DPP10: variants seen among roughly 807,000 people sequenced by gnomAD.
DPP10 encodes dipeptidyl peptidase like 10, also known as inactive dipeptidyl peptidase 10.
DPP10 carries 33 observed loss-of-function variants against 120.9 expected under a neutral mutation model. That is an observed-to-expected ratio of 0.27 (90% CI 0.21 to 0.37). The LOEUF (loss-of-function observed/expected upper bound fraction) is 0.37, where lower values mean the gene tolerates loss of function less well. DPP10 is among the 10% of genes least tolerant of loss of function. DPP10 has a pLI of 1.00. For missense variants in DPP10, 816 were observed against 942.8 expected (o/e 0.87, Z 1.76); for synonymous variants, 337 against 326.1 (o/e 1.03, Z -0.36).
intron 1 of DPP10, among the ~76,000 whole-genome samples, chr2:115,244,857 A>ATGCACATATATATATACATATATATATGT: frequency 1.4e-5 from 2 of 144,744 alleles, no homozygotes; most frequent in African/African-American, 5.2e-5. Flanking sequence ...ATATATATAT[A>ATGCACATATATATATACATATATATATGT]ATTTCATTAG....
In DPP10 at chr2:114,929,050, A is replaced by G. The variant is rs10185552; in HGVS notation, c.61-380189A>G. Among the ~76,000 whole-genome samples the G allele has an allele frequency of 4.1e-3, 618 of 152,308 alleles. 1 individual carries two copies. The highest frequency in any genetic ancestry group is 0.015 in the African/African-American group (604 of 41,588). Reference sequence around the variant, plus strand: ...AGAGAAATTTTACAGCTGGGCCTCCAGGGGTAACATCACCTATTGGTAGGT... The same window carrying G: ...AGAGAAATTTTACAGCTGGGCCTCCGGGGGTAACATCACCTATTGGTAGGT... On this transcript the variant is annotated intron_variant, in intron 1 of 25. Transcript: ENST00000410059.
intron 1 of DPP10, among the ~76,000 whole-genome samples, chr2:115,284,198 G>A (rs150211161): frequency 2.0e-3 from 298 of 152,108 alleles, no homozygotes; most frequent in Non-Finnish European, 2.8e-3. Flanking sequence ...AAAAAACACA[G>A]TGTAGTTTTA....
chr2:115,364,781 G>A (rs1374002543), intron 3 of DPP10, among the ~76,000 whole-genome samples: 1 of 151,926 alleles, frequency 6.6e-6, no homozygotes, highest in Non-Finnish European at 1.5e-5. Context: ...ACGTAGTTAC[G>A]CTGTTGTTTC....
At chr2:114,841,532 C>G (rs1444515251) in intron 1 of DPP10, among the ~76,000 whole-genome samples, 1 of 152,056 alleles carries the variant, frequency 6.6e-6, no homozygotes, top group Non-Finnish European at 1.5e-5. Flanking sequence ...ATGTGAAAGT[C>G]AGAGAATGGG....
chr2:115,445,044 A>G (rs1465850471), intron 3 of DPP10, among the ~76,000 whole-genome samples: 1 of 152,066 alleles, frequency 6.6e-6, no homozygotes, highest in Non-Finnish European at 1.5e-5. Context: ...GTGAGTTCTT[A>G]TGAGATCTGA....
At chr2:115,257,792 A>G (rs2059071468) in intron 1 of DPP10, among the ~76,000 whole-genome samples, 2 of 152,194 alleles carry the variant, frequency 1.3e-5, no homozygotes, top group South Asian at 2.1e-4. Context: ...TAACATAGGT[A>G]TATGCCTTGA....
At position 115,777,845 on chromosome 2, in the gene DPP10, T is replaced by C; in HGVS notation, c.1361+11T>C. Reference sequence around the variant, plus strand: ...AAGGCAGCTGTACAGGTAAGCAGTGTGCAAGGATCTCCTTACACAGATTGG... The same window carrying C: ...AAGGCAGCTGTACAGGTAAGCAGTGCGCAAGGATCTCCTTACACAGATTGG... On this transcript the variant is annotated intron_variant, in intron 15 of 25. Transcript: ENST00000410059. The C allele has an allele frequency of 6.2e-7, 1 of 1,612,928 alleles. No homozygotes were observed. Among genetic ancestry groups the C allele is most frequent in the Non-Finnish European group, 8.5e-7 (1 of 1,179,194 alleles).
intron 1 of DPP10, among the ~76,000 whole-genome samples, chr2:114,666,079 GTACT>G (rs1200625647): frequency 6.6e-6 from 1 of 152,060 alleles, no homozygotes; most frequent in Admixed American, 6.5e-5. Flanking sequence ...CTAGTTATTG[GTACT>G]TACTTTATAT....
chr2:115,779,456 G>C (rs1400361510), intron 15 of DPP10, among the ~76,000 whole-genome samples: 1 of 152,036 alleles, frequency 6.6e-6, no homozygotes, highest in Non-Finnish European at 1.5e-5. Flanking sequence ...CCCTGCAGGA[G>C]TAGGACTGCT....
chr2:115,539,652 T>C (rs187122201), intron 5 of DPP10, among the ~76,000 whole-genome samples: 17 of 152,076 alleles, frequency 1.1e-4, no homozygotes, highest in Admixed American at 1.1e-3. Context: ...AAGTTTGAAA[T>C]GTTGCAGCTT....
intron 5 of DPP10, among the ~76,000 whole-genome samples, chr2:115,539,776 G>GT (rs1349047855): frequency 6.7e-6 from 1 of 150,108 alleles, no homozygotes; most frequent in Non-Finnish European, 1.5e-5. Flanking sequence ...TCAGAGAACC[G>GT]TAACAGTAAT....
At chr2:114,564,443 C>T (rs1290761903) in intron 1 of DPP10, among the ~76,000 whole-genome samples, 1 of 152,134 alleles carries the variant, frequency 6.6e-6, no homozygotes, top group African/African-American at 2.4e-5. Flanking sequence ...GATGGCAAAG[C>T]ACCTACTCTT....
chr2:115,247,290 T>C (rs1366940184), intron 1 of DPP10, among the ~76,000 whole-genome samples: 2 of 152,140 alleles, frequency 1.3e-5, no homozygotes, highest in African/African-American at 4.8e-5. Context: ...AATTTTGTTT[T>C]GATGTCAACC....
chr2:114,778,577 A>G (rs1346266439), intron 1 of DPP10, among the ~76,000 whole-genome samples: 1 of 152,082 alleles, frequency 6.6e-6, no homozygotes, highest in East Asian at 1.9e-4. Context: ...GCTTTGTTAA[A>G]GTCTAGAGTC....
At chr2:114,586,662 T>G (rs552651125) in intron 1 of DPP10, among the ~76,000 whole-genome samples, 1 of 152,298 alleles carries the variant, frequency 6.6e-6, no homozygotes, top group Non-Finnish European at 1.5e-5. Context: ...GAGTCTCAGG[T>G]TGAAACTGGA....
intron 16 of DPP10, 113 bp from the exon 17 acceptor site, chr2:115,782,239 G>T: frequency 1.2e-6 from 1 of 841,646 alleles, no homozygotes; most frequent in South Asian, 1.7e-5. Flanking sequence ...GTTTTGTTAT[G>T]TTTTAACCAC....
intron 5 of DPP10, among the ~76,000 whole-genome samples, chr2:115,611,209 T>C (rs2084073782): frequency 1.3e-5 from 2 of 152,128 alleles, no homozygotes; most frequent in Non-Finnish European, 2.9e-5. Context: ...TTTTAGAAAA[T>C]AGATTATTTT....
chr2:114,497,559 A>G (rs1682787479), intron 1 of DPP10, among the ~76,000 whole-genome samples: 1 of 151,968 alleles, frequency 6.6e-6, no homozygotes, highest in South Asian at 2.1e-4. Flanking sequence ...TCTTGTTCCC[A>G]TTATGGGTCT....
At chr2:114,770,629 G>A (rs1212700175) in intron 1 of DPP10, among the ~76,000 whole-genome samples, 6 of 152,200 alleles carry the variant, frequency 3.9e-5, no homozygotes, top group Non-Finnish European at 7.4e-5. Flanking sequence ...AGGAAGACAT[G>A]ATACTTGCAC....
Sources: allele counts gnomAD v4.1 joint callset (sites outside exome capture counted in the v4.1 genomes callset), GRCh38; gene constraint gnomAD v4.1.1; transcripts MANE v1.5; gene names NCBI Gene and HGNC (gene_info 2026-07-23, HGNC 2026-07-21).